The following FAM210A variants were observed in gnomAD, a reference collection of about 807,000 sequenced individuals.
FAM210A encodes the protein family with sequence similarity 210 member A.
Under a neutral mutation model 25.3 loss-of-function variants are expected in FAM210A, and 13 were observed. The observed-to-expected ratio is 0.51, with a 90% CI of 0.33 to 0.82. The LOEUF (loss-of-function observed/expected upper bound fraction) is 0.82, where lower values mean the gene tolerates loss of function less well. Among genes scored for constraint, FAM210A ranks in the 40% least tolerant of loss-of-function variants. FAM210A has a pLI of 0.02. For missense variants in FAM210A, 319 were observed against 323.2 expected (o/e 0.99, Z 0.10); for synonymous variants, 125 against 118.7 (o/e 1.05, Z -0.35).
intron 2 of FAM210A, among the ~76,000 whole-genome samples, chr18:13,673,155 CCT>C (rs916997427): frequency 2.7e-5 from 4 of 150,024 alleles, no homozygotes; most frequent in African/African-American, 7.4e-5. Context: ...TTCCTGAGCC[CCT>C]GACCTATTTC....
chr18:13,697,352 T>C (rs1268587956), intron 1 of FAM210A, among the ~76,000 whole-genome samples: 5 of 151,394 alleles, frequency 3.3e-5, no homozygotes, highest in African/African-American at 1.2e-4. Context: ...CATTAGAAAA[T>C]TGCAAATTAA....
intron 1 of FAM210A, among the ~76,000 whole-genome samples, chr18:13,704,453 T>C (rs2043763089): frequency 6.6e-6 from 1 of 152,154 alleles, no homozygotes; most frequent in Non-Finnish European, 1.5e-5. Flanking sequence ...TTCACAAAAA[T>C]TGCAAAGGGT....
At chr18:13,670,030 C>G (rs1183546328) in intron 3 of FAM210A, among the ~76,000 whole-genome samples, 1 of 152,176 alleles carries the variant, frequency 6.6e-6, no homozygotes, top group African/African-American at 2.4e-5. Context: ...TGGCACTCAT[C>G]TCCCTACCAT....
chr18:13,690,475 C>A (rs2043634031), intron 1 of FAM210A, among the ~76,000 whole-genome samples: 1 of 152,224 alleles, frequency 6.6e-6, no homozygotes. Context: ...TCCCTGACCC[C>A]CGAGTAGCCT....
rs2043401502 is a variant in FAM210A, at chr18:13,666,415, A to ATCTT, written c.*61_*64dup. The stretch of plus-strand genomic sequence containing the variant: ...ACCAAAAAAATAATCAGACACATGT[A>ATCTT]TCTTTGCCCATAGTTTCCAAAGGGT... On this transcript the variant is annotated 3_prime_UTR_variant, in exon 4 of 4. Transcript: ENST00000651643. 1.0e-5 allele frequency: 13 copies of ATCTT among 1,296,984 alleles called. No homozygotes were observed. Among genetic ancestry groups the ATCTT allele is most frequent in the Admixed American group, 6.4e-5 (3 of 47,058 alleles). 80.3% of individuals were successfully genotyped at this position (1,296,984 alleles called of 1,614,324 possible). A position where few individuals can be genotyped will look rare whatever the true frequency, so the allele number is the denominator to read the frequency against.
intron 1 of FAM210A, among the ~76,000 whole-genome samples, chr18:13,725,439 T>G (rs2043933192): frequency 6.6e-6 from 1 of 152,242 alleles, no homozygotes; most frequent in African/African-American, 2.4e-5. Flanking sequence ...AGCACAACGC[T>G]GCAAATGCTG....
intron 2 of FAM210A, among the ~76,000 whole-genome samples, chr18:13,679,328 A>G (rs1212838578): frequency 6.6e-6 from 1 of 152,208 alleles, no homozygotes; most frequent in Non-Finnish European, 1.5e-5. Flanking sequence ...CAAACAAACG[A>G]ACAACACTAA....
chr18:13,684,270 A>G (rs1473590589), intron 1 of FAM210A, among the ~76,000 whole-genome samples: 1 of 152,064 alleles, frequency 6.6e-6, no homozygotes, highest in Non-Finnish European at 1.5e-5. Context: ...ATGGTGGTGC[A>G]CGCCTGTAAT....
intron 3 of FAM210A, among the ~76,000 whole-genome samples, chr18:13,669,987 C>T (rs2149050960): frequency 6.6e-6 from 1 of 152,284 alleles, no homozygotes; most frequent in East Asian, 1.9e-4. Context: ...TCTCCTACTT[C>T]ACAGAGGAAT....
chr18:13,692,235 C>T (rs1236489755), intron 1 of FAM210A, among the ~76,000 whole-genome samples: 2 of 152,072 alleles, frequency 1.3e-5, no homozygotes, highest in Non-Finnish European at 2.9e-5. Context: ...TACAGGAGCA[C>T]TCAGATTCAT....
chr18:13,682,087 T>A lies in FAM210A; in HGVS notation c.-10A>T. ...GTACATTCCATTGCATTTTGAAGAG[T>A]GTTGATAGGTTTCAGCTTCTACAAA... On this transcript the variant is annotated 5_prime_UTR_variant, in exon 2 of 4. Transcript: ENST00000651643. 1 of 1,550,614 alleles carries A rather than the reference T, an allele frequency of 6.4e-7. No individual in the cohort carries two copies. The highest frequency in any genetic ancestry group is 8.7e-7 in the Non-Finnish European group (1 of 1,149,916).
At chr18:13,694,820 C>G (rs139942962) in intron 1 of FAM210A, among the ~76,000 whole-genome samples, 90 of 152,198 alleles carry the variant, frequency 5.9e-4, no homozygotes, top group African/African-American at 2.0e-3. Context: ...AGGACTTCAT[C>G]ACTAAAACAC....
intron 2 of FAM210A, 23 bp downstream of exon 2, chr18:13,681,580 GAC>G: frequency 6.6e-7 from 1 of 1,521,670 alleles, no homozygotes; most frequent in South Asian, 1.3e-5. Flanking sequence ...GACAGGGAAA[GAC>G]ATTCAACTAA....
intron 1 of FAM210A, among the ~76,000 whole-genome samples, chr18:13,684,160 G>A (rs1215659058): frequency 2.0e-5 from 3 of 152,174 alleles, no homozygotes. Context: ...ACTTTGGGAT[G>A]CCGAGGCAGG....
intron 2 of FAM210A, among the ~76,000 whole-genome samples, chr18:13,678,415 C>T (rs544618339): frequency 6.6e-6 from 1 of 151,996 alleles, no homozygotes; most frequent in East Asian, 1.9e-4. Flanking sequence ...GGATTACAGG[C>T]TCTGCAATTC....
At chr18:13,708,083 T>C (rs955334224) in intron 1 of FAM210A, among the ~76,000 whole-genome samples, 1 of 152,232 alleles carries the variant, frequency 6.6e-6, no homozygotes, top group African/African-American at 2.4e-5. Context: ...TGCCCTACAG[T>C]TATTGAACTC....
chr18:13,671,263 ACT>A (rs1459354678), intron 3 of FAM210A, among the ~76,000 whole-genome samples: 4 of 152,054 alleles, frequency 2.6e-5, no homozygotes, highest in Non-Finnish European at 2.9e-5. Context: ...TGCCTATTAA[ACT>A]CTCTGCTCCT....
chr18:13,670,510 G>A (rs1319193337), intron 3 of FAM210A, among the ~76,000 whole-genome samples: 1 of 152,156 alleles, frequency 6.6e-6, no homozygotes, highest in Non-Finnish European at 1.5e-5. Context: ...GTAATTCTTA[G>A]ATATTCTTAT....
At chr18:13,683,014 G>A (rs947163234) in intron 1 of FAM210A, among the ~76,000 whole-genome samples, 1 of 152,158 alleles carries the variant, frequency 6.6e-6, no homozygotes, top group African/African-American at 2.4e-5. Flanking sequence ...GAAAAAATAA[G>A]ATCTGGGTTC....
Sources: gnomAD v4.1 joint callset for allele counts (sites outside exome capture counted in the v4.1 genomes callset) on GRCh38, gnomAD v4.1.1 for gene constraint, MANE v1.5 for transcripts, NCBI Gene and HGNC (gene_info 2026-07-23, HGNC 2026-07-21) for gene names.